The following EYS variants were observed in gnomAD, a reference collection of about 807,000 sequenced individuals.
The protein encoded by EYS is EGF-like photoreceptor maintenance factor.
In EYS, 250 loss-of-function variants were observed where a neutral mutation model predicts 282.1. The observed-to-expected ratio is 0.89, with a 90% CI of 0.80 to 0.98. The LOEUF (loss-of-function observed/expected upper bound fraction) is 0.98. Among genes scored for constraint, EYS ranks in the 50% least tolerant of loss-of-function variants. The pLI is 0.00. For missense variants in EYS, 4,016 were observed against 3,709.0 expected (o/e 1.08, Z -2.15); for synonymous variants, 1,355 against 1,282.9 (o/e 1.06, Z -1.20).
intron 36 of EYS, among the ~76,000 whole-genome samples, chr6:63,841,792 A>G (rs1378185572): frequency 6.6e-6 from 1 of 151,988 alleles, no homozygotes; most frequent in African/African-American, 2.4e-5. Flanking sequence ...CCCGTGTGTG[A>G]TGTTCCCCTC....
intron 12 of EYS, among the ~76,000 whole-genome samples, chr6:65,276,110 G>C (rs897236828): frequency 2.6e-5 from 4 of 151,998 alleles, no homozygotes; most frequent in African/African-American, 9.7e-5. Flanking sequence ...TGAGATGACT[G>C]GTTTGATAAA....
rs1439927080 is a variant in EYS at position 64,278,762 on chromosome 6, C to T, written c.6191+28208G>A. ...TCTTTCTCTCTTTCTCTCTGTCTCT[C>T]CTCCCTCTCCTCTCTTTCTGAGATA... On this transcript the variant is annotated intron_variant, in intron 30 of 42. Transcript: ENST00000503581. Among the ~76,000 whole-genome samples the T allele has an allele frequency of 3.3e-5, 5 of 151,930 alleles. No homozygotes were observed. The East Asian group carries it at 9.6e-4, about 29-fold the overall frequency.
rs775037714 is a variant in EYS at position 64,847,807 on chromosome 6, AC to A, written c.2993-24986del. On this transcript the variant is annotated intron_variant, in intron 19 of 42. Transcript: ENST00000503581. ...AAAATGAATCTTCATCACAGACAAA[AC>A]CCTTTGATTCTTGTTTACCTTCTTA... Among the ~76,000 whole-genome samples the A allele has an allele frequency of 2.6e-3, 393 of 152,068 alleles. 1 individual carries two copies. Among genetic ancestry groups the A allele is most frequent in the Non-Finnish European group, 3.7e-3 (252 of 67,956 alleles).
intron 19 of EYS, among the ~76,000 whole-genome samples, chr6:64,860,311 C>T (rs968043427): frequency 3.9e-5 from 6 of 152,236 alleles, no homozygotes; most frequent in African/African-American, 1.4e-4. Flanking sequence ...GCATGGCAGG[C>T]TGTGCTCAGC....
At chr6:63,918,507 A>G (rs1251415882) in intron 35 of EYS, among the ~76,000 whole-genome samples, 1 of 152,176 alleles carries the variant, frequency 6.6e-6, no homozygotes, top group East Asian at 1.9e-4. Context: ...TCCTGGAGAT[A>G]TTTCATTGGC....
At chr6:64,132,537 T>G (rs1774015197) in intron 31 of EYS, among the ~76,000 whole-genome samples, 1 of 151,968 alleles carries the variant, frequency 6.6e-6, no homozygotes, top group African/African-American at 2.4e-5. Context: ...TAGCTTAACA[T>G]AATTATTCAA....
At chr6:63,742,219 T>C (rs1769093332) in intron 41 of EYS, among the ~76,000 whole-genome samples, 1 of 152,152 alleles carries the variant, frequency 6.6e-6, no homozygotes, top group African/African-American at 2.4e-5. Context: ...ACAACTTACC[T>C]TTCTGGTCAA....
chr6:65,181,754 C>G (rs1765390929), intron 12 of EYS, among the ~76,000 whole-genome samples: 2 of 152,110 alleles, frequency 1.3e-5, no homozygotes, highest in South Asian at 4.1e-4. Flanking sequence ...AAGACACATG[C>G]ACACGTATGT....
intron 21 of EYS, chr6:64,815,155 C>T (rs1456292724): frequency 2.4e-6 from 1 of 412,204 alleles, no homozygotes; most frequent in Non-Finnish European, 4.9e-6. Flanking sequence ...ACACCCCCAC[C>T]CCCTACAAGT....
intron 22 of EYS, among the ~76,000 whole-genome samples, chr6:64,636,209 C>A (rs1358884950): frequency 1.3e-5 from 2 of 152,072 alleles, no homozygotes; most frequent in African/African-American, 2.4e-5. Context: ...GCTACAGTAA[C>A]CAAAACAGCA....
chr6:65,288,462 T>C (rs546401041), intron 12 of EYS, among the ~76,000 whole-genome samples: 1 of 150,716 alleles, frequency 6.6e-6, no homozygotes, highest in African/African-American at 2.4e-5. Context: ...TATGTATATA[T>C]GTGTTCATAG....
intron 26 of EYS, among the ~76,000 whole-genome samples, chr6:64,460,643 C>T (rs1358065192): frequency 6.6e-6 from 1 of 152,172 alleles, no homozygotes; most frequent in Non-Finnish European, 1.5e-5. Flanking sequence ...TTTTATTTCA[C>T]AATCTATCAC....
At chr6:65,281,200 T>C (rs1348630142) in intron 12 of EYS, among the ~76,000 whole-genome samples, 2 of 146,050 alleles carry the variant, frequency 1.4e-5, no homozygotes, top group Non-Finnish European at 2.9e-5. Flanking sequence ...CATTATTAAG[T>C]TAACAATCAC....
intron 35 of EYS, among the ~76,000 whole-genome samples, chr6:63,909,132 T>C (rs765632368): frequency 1.4e-4 from 21 of 152,200 alleles, no homozygotes; most frequent in Non-Finnish European, 2.6e-4. Flanking sequence ...ATTTGGGTTT[T>C]ATTCTGTAGG....
At chr6:65,662,141 CA>C (rs1768029749) in intron 1 of EYS, among the ~76,000 whole-genome samples, 1 of 151,828 alleles carries the variant, frequency 6.6e-6, no homozygotes, top group African/African-American at 2.4e-5. Flanking sequence ...AAAAAAAAGG[CA>C]AAAGTAAATA....
chr6:64,714,208 G>A (rs1181103387), intron 22 of EYS, among the ~76,000 whole-genome samples: 1 of 152,162 alleles, frequency 6.6e-6, no homozygotes, highest in African/African-American at 2.4e-5. Context: ...GCATGTAGTG[G>A]ATGAGGGAGT....
At chr6:64,335,438 A>T (rs990474007) in intron 29 of EYS, among the ~76,000 whole-genome samples, 9 of 152,024 alleles carry the variant, frequency 5.9e-5, no homozygotes, top group Non-Finnish European at 1.0e-4. Context: ...TGGTTGCAAG[A>T]CATATTTCTC....
At chr6:65,565,572 A>G (rs1484280434) in intron 2 of EYS, among the ~76,000 whole-genome samples, 1 of 152,208 alleles carries the variant, frequency 6.6e-6, no homozygotes, top group South Asian at 2.1e-4. Flanking sequence ...CAGAAATACC[A>G]TTTGACTCAG....
In EYS at chr6:65,573,646, A is replaced by G. The variant is rs547874108; in HGVS notation, c.-333+66132T>C. Among the ~76,000 whole-genome samples, 32 of 152,260 alleles carry G rather than the reference A, an allele frequency of 2.1e-4. 1 individual carries two copies. The highest frequency in any genetic ancestry group is 5.1e-4 in the African/African-American group (21 of 41,570). On this transcript the variant is annotated intron_variant, in intron 2 of 42. Coordinates refer to ENST00000503581, the MANE Select transcript of EYS (RefSeq NM_001142800.2). ...TTTCAGCTCCAGGCTCTGTGGCTGT[A>G]CTGGTACAGCCTACCTTTCAGATAC...
Sources: allele counts gnomAD v4.1 joint callset (sites outside exome capture counted in the v4.1 genomes callset), GRCh38; gene constraint gnomAD v4.1.1; transcripts MANE v1.5; gene names NCBI Gene and HGNC (gene_info 2026-07-23, HGNC 2026-07-21).